Variants in RPL37A observed in about 807,000 individuals in gnomAD.
RPL37A encodes ribosomal protein L37a, also known as large ribosomal subunit protein eL43.
A neutral mutation model predicts 13.6 loss-of-function variants in RPL37A; 5 were observed. That is an observed-to-expected ratio of 0.37 (90% CI 0.19 to 0.78). The LOEUF (loss-of-function observed/expected upper bound fraction) is 0.78, where lower values mean the gene tolerates loss of function less well. Ranked by LOEUF, RPL37A falls within the 30% of genes least tolerant of loss-of-function variation. The pLI is 0.49. For missense variants in RPL37A, 77 were observed against 120.0 expected (o/e 0.64, Z 1.67); for synonymous variants, 50 against 44.4 (o/e 1.13, Z -0.50).
chr2:216,499,100 C>A, intron 1 of RPL37A, 170 bp from the exon 2 acceptor site: 1 of 1,147,024 alleles, frequency 8.7e-7, no homozygotes, highest in Non-Finnish European at 1.2e-6. Context: ...CTTCGGAGCG[C>A]GCGGCCAGCC....
In RPL37A at chr2:216,503,490, G is replaced by C. The variant is rs1465885277; in HGVS notation, c.*2086G>C. Reference sequence around the variant, plus strand: ...GTTCACTGCAGCCTCTACCTCCCGGGTTCAAGCAGTTCTCGTGCCTCAGCC... The same window carrying C: ...GTTCACTGCAGCCTCTACCTCCCGGCTTCAAGCAGTTCTCGTGCCTCAGCC... On this transcript the variant is annotated 3_prime_UTR_variant, in exon 4 of 4. Coordinates refer to ENST00000491306, the MANE Select transcript of RPL37A (RefSeq NM_000998.5). 1 of 152,178 alleles carries C rather than the reference G, an allele frequency of 6.6e-6. No homozygotes were observed. Among genetic ancestry groups the C allele is most frequent in the Non-Finnish European group, 1.5e-5 (1 of 68,036 alleles). The allele number at this position is 152,178 out of a possible 1,614,324, so 9.4% of individuals were successfully genotyped here. A position where few individuals can be genotyped will look rare whatever the true frequency, so the allele number is the denominator to read the frequency against.
rs1019730781 is a variant in RPL37A at position 216,499,721 on chromosome 2, C to T, written c.133-228C>T. 5 of 686,226 alleles carry T rather than the reference C, an allele frequency of 7.3e-6. No individual in the cohort carries two copies. The Admixed American group carries it at 1.0e-4, about 14-fold the overall frequency. 42.5% of individuals were successfully genotyped at this position (686,226 alleles called of 1,614,324 possible). On this transcript the variant is annotated intron_variant, in intron 2 of 3. Transcript: ENST00000491306. ...GTTTCTGCACCAACTCCCAAGATGT[C>T]TGTGCATCTAATACCATTCTACTTG...
At chr2:216,500,753 C>T (rs778311715) in intron 3 of RPL37A, 5 of 152,320 alleles carry the variant, frequency 3.3e-5, no homozygotes, top group African/African-American at 9.7e-5. Flanking sequence ...TATATACTTA[C>T]AATACAGGAT....
chr2:216,500,233 A>G, intron 3 of RPL37A: 1 of 596,876 alleles, frequency 1.7e-6, no homozygotes, highest in Non-Finnish European at 3.0e-6. Context: ...GAAGTCGGAA[A>G]TCTAATTCAC....
At chr2:216,500,158 T>G in intron 3 of RPL37A, 127 bp downstream of exon 3, 1 of 698,410 alleles carries the variant, frequency 1.4e-6, no homozygotes, top group Non-Finnish European at 2.5e-6. Flanking sequence ...CTTTGTATTT[T>G]CAGGATTCTT....
intron 2 of RPL37A, 182 bp downstream of exon 2, chr2:216,499,580 T>C (rs1222513454): frequency 2.5e-6 from 2 of 799,434 alleles, no homozygotes; most frequent in East Asian, 2.7e-5. Flanking sequence ...GAGACGTTTT[T>C]CATTTAAAGA....
intron 1 of RPL37A, 89 bp downstream of exon 1, chr2:216,498,966 T>G: frequency 6.5e-7 from 1 of 1,545,246 alleles, no homozygotes; most frequent in Non-Finnish European, 8.9e-7. Context: ...TCTCCTGCCT[T>G]ACCCCGTGTT....
chr2:216,501,191 A>G, intron 3 of RPL37A, 150 bp from the exon 4 acceptor site: 1 of 581,442 alleles, frequency 1.7e-6, no homozygotes, highest in Non-Finnish European at 3.1e-6. Flanking sequence ...TGACTGCAGC[A>G]AAGTATTGGT....
chr2:216,501,282 T>C (rs1695596732), intron 3 of RPL37A, 59 bp from the exon 4 acceptor site: 6 of 1,429,210 alleles, frequency 4.2e-6, no homozygotes, highest in East Asian at 4.6e-5. Context: ...GATTTACTTA[T>C]TTGCCATTTT....
chr2:216,499,155 A>G, intron 1 of RPL37A, 115 bp from the exon 2 acceptor site: 1 of 1,326,860 alleles, frequency 7.5e-7, no homozygotes, highest in Non-Finnish European at 1.0e-6. Context: ...AAACTAGGTC[A>G]TATGTAATTC....
At position 216,499,922 on chromosome 2, in the gene RPL37A, A is replaced by G. The variant is rs1254966695; in HGVS notation, c.133-27A>G. 3.8e-6 allele frequency: 6 copies of G among 1,576,762 alleles called. No homozygotes were observed. In the South Asian group the frequency reaches 5.5e-5, roughly 15 times the overall value. On this transcript the variant is annotated intron_variant, in intron 2 of 3. Coordinates refer to ENST00000491306, the MANE Select transcript of RPL37A (RefSeq NM_000998.5). ...GTAAGAGAAAATACTTACTTGGTTC[A>G]TAGTGAAAATTGGTTCTCTTTTATA...
chr2:216,502,353 A>G lies in RPL37A; in HGVS notation c.*949A>G, dbSNP rs771530087. ...AAAAGTTTCTGAAGGTAAAAGATATACTAAAGGATATACATATACTGCCTC... is the reference window on the plus strand; with the variant it reads ...AAAAGTTTCTGAAGGTAAAAGATATGCTAAAGGATATACATATACTGCCTC... On this transcript the variant is annotated 3_prime_UTR_variant, in exon 4 of 4. Coordinates refer to ENST00000491306, the MANE Select transcript of RPL37A (RefSeq NM_000998.5). 6.6e-6 allele frequency: 1 copy of G among 152,208 alleles called. No homozygotes were observed. The highest frequency in any genetic ancestry group is 6.5e-5 in the Admixed American group (1 of 15,278). The allele number at this position is 152,208 out of a possible 1,614,324, so 9.4% of individuals were successfully genotyped here.
In RPL37A at chr2:216,501,654, G is replaced by T; in HGVS notation, c.*250G>T. ...ATGAGTGTTAGCTTTTTATAAGTCT[G>T]CTCCTGCCAGTTTGACTTTGAGATA... On this transcript the variant is annotated 3_prime_UTR_variant, in exon 4 of 4. Transcript: ENST00000491306. 1 of 326,658 alleles carries T rather than the reference G, an allele frequency of 3.1e-6. No homozygotes were observed. The allele number at this position is 326,658 out of a possible 1,614,324, so 20.2% of individuals were successfully genotyped here.
Position 216,503,857 on chromosome 2 carries a change from T to C in RPL37A, c.*2453T>C, listed in dbSNP as rs1001763872. ...TGTAGATAGGGCTGAAGATTAGATT[T>C]CTGGCTCCTATCTGTGATTTTCTGC... On this transcript the variant is annotated 3_prime_UTR_variant, in exon 4 of 4. Coordinates refer to ENST00000491306, the MANE Select transcript of RPL37A (RefSeq NM_000998.5). 6.6e-6 allele frequency: 1 copy of C among 152,218 alleles called. No individual in the cohort carries two copies. The highest frequency in any genetic ancestry group is 2.4e-5 in the African/African-American group (1 of 41,452). 9.4% of individuals were successfully genotyped at this position (152,218 alleles called of 1,614,324 possible). A position where few individuals can be genotyped will look rare whatever the true frequency, so the allele number is the denominator to read the frequency against.
intron 3 of RPL37A, 51 bp downstream of exon 3, chr2:216,500,082 A>G (rs758565910): frequency 9.7e-6 from 14 of 1,438,730 alleles, no homozygotes; most frequent in East Asian, 6.8e-5. Context: ...ACATAGGCCC[A>G]AATTCCAGGT....
At chr2:216,499,899 AAG>A in intron 2 of RPL37A, 48 bp from the exon 3 acceptor site, 1 of 1,481,214 alleles carries the variant, frequency 6.8e-7, no homozygotes, top group African/African-American at 1.4e-5. Flanking sequence ...GGATGCTTGT[AAG>A]AGAAAATACT....
chr2:216,500,099 T>C lies in RPL37A; in HGVS notation c.215+68T>C. On this transcript the variant is annotated intron_variant, in intron 3 of 3. Transcript: ENST00000491306. ...ATAGGCCCAAATTCCAGGTTGCTGC[T>C]GGATGGGCTAGTTTTAACACTTTCT... is the stretch of plus-strand genomic sequence containing the variant. 4 of 1,229,172 alleles carry C rather than the reference T, an allele frequency of 3.3e-6. No homozygotes were observed. In the South Asian group the frequency reaches 3.6e-5, roughly 11 times the overall value. The allele number at this position is 1,229,172 out of a possible 1,614,324, so 76.1% of individuals were successfully genotyped here. A position where few individuals can be genotyped will look rare whatever the true frequency, so the allele number is the denominator to read the frequency against.
intron 3 of RPL37A, chr2:216,500,362 TAAAAATAGGTGAAGGGGTCAGTTAGTTCA>T (rs567427831): frequency 2.7e-5 from 9 of 335,790 alleles, no homozygotes; most frequent in African/African-American, 1.3e-4. Context: ...CAAGTTTTGA[TAAAAATAGGTGAAGGGGTCAGTTAGTTCA>T]AAACTGTATT....
Position 216,498,868 on chromosome 2 carries a change from C to A in RPL37A, c.-7C>A. The A allele has an allele frequency of 1.9e-6, 3 of 1,614,106 alleles. No individual in the cohort carries two copies. Among genetic ancestry groups the A allele is most frequent in the East Asian group, 4.5e-5 (2 of 44,878 alleles). On this transcript the variant is annotated 5_prime_UTR_variant, in exon 1 of 4. Coordinates refer to ENST00000491306, the MANE Select transcript of RPL37A (RefSeq NM_000998.5). The stretch of plus-strand genomic sequence containing the variant: ...CCTTTCTGGGCTCGGACCTAGGTCG[C>A]GGCGACATGGTGAGTGTGGGTCTCT...
Sources: gnomAD v4.1 joint callset for allele counts on GRCh38, gnomAD v4.1.1 for gene constraint, MANE v1.5 for transcripts, NCBI Gene and HGNC (gene_info 2026-07-23, HGNC 2026-07-21) for gene names.